The following PI4KB variants were observed in gnomAD, a reference collection of about 807,000 sequenced individuals.
PI4KB encodes the protein PtdIns 4-kinase beta.
PI4KB carries 23 observed loss-of-function variants against 81.4 expected under a neutral mutation model. That is an observed-to-expected ratio of 0.28 (90% confidence interval 0.20 to 0.40). The LOEUF (loss-of-function observed/expected upper bound fraction) is 0.40. Ranked by LOEUF, PI4KB falls within the 10% of genes least tolerant of loss-of-function variation. PI4KB has a pLI of 1.00. For missense variants in PI4KB, 651 were observed against 1,036.6 expected, an observed-to-expected ratio of 0.63 and a Z score of 5.11; for synonymous variants, 381 against 406.8, an observed-to-expected ratio of 0.94 and a Z score of 0.76.
chr1:151,310,319 G>A, intron 2 of PI4KB, 64 bp from the exon 3 acceptor site: 1 of 1,054,396 alleles, frequency 9.5e-7, no homozygotes, highest in Admixed American at 2.1e-5. Context: ...GAGAGACAAA[G>A]GTAAAGAATT....
At chr1:151,293,826 C>T in intron 11 of PI4KB, 192 bp downstream of exon 11, 4 of 595,892 alleles carry the variant, frequency 6.7e-6, no homozygotes, top group Non-Finnish European at 1.1e-5. Flanking sequence ...CCCCAGCCTT[C>T]TGGACTTAGC....
intron 2 of PI4KB, among the ~76,000 whole-genome samples, chr1:151,311,099 A>G (rs1391902611): frequency 6.6e-6 from 1 of 152,210 alleles, no homozygotes; most frequent in Non-Finnish European, 1.5e-5. Context: ...TTGCTGTGTC[A>G]TATGTGTCCG....
rs764922641 is a variant in PI4KB at position 151,294,140 on chromosome 1, TGGAAA to T, written c.2149-7_2149-3del. On this transcript the variant is annotated splice_region_variant and splice_polypyrimidine_tract_variant and intron_variant, in intron 10 of 11. Transcript: ENST00000368873. Reference sequence around the variant, plus strand: ...GTCGCCATCCAGGCCGCCCATCACCTGGAAAGGGAAGAGAGCGTTGTGTGCACAAG... The same window carrying T: ...GTCGCCATCCAGGCCGCCCATCACCTGGGAAGAGAGCGTTGTGTGCACAAG... 8 of 1,612,190 alleles carry T rather than the reference TGGAAA, an allele frequency of 5.0e-6. No homozygotes were observed. Among genetic ancestry groups the T allele is most frequent in the Non-Finnish European group, 6.8e-6 (8 of 1,178,896 alleles).
chr1:151,306,375 G>C lies in PI4KB; in HGVS notation c.1183-12C>G. The C allele has an allele frequency of 6.4e-7, 1 of 1,574,456 alleles. No individual in the cohort carries two copies. The highest frequency in any genetic ancestry group is 8.7e-7 in the Non-Finnish European group (1 of 1,143,908). Reference sequence around the variant, plus strand: ...ATCAGGTAGGGAGCCTGGGGGAAGAGTGAGACAGTATTTGCAACTTACTTC... The same window carrying C: ...ATCAGGTAGGGAGCCTGGGGGAAGACTGAGACAGTATTTGCAACTTACTTC... On this transcript the variant is annotated splice_polypyrimidine_tract_variant and intron_variant, in intron 4 of 11. Coordinates refer to ENST00000368873, the MANE Select transcript of PI4KB (RefSeq NM_001369623.2).
At chr1:151,323,080 G>A (rs1251740280) in intron 1 of PI4KB, among the ~76,000 whole-genome samples, 2 of 152,120 alleles carry the variant, frequency 1.3e-5, no homozygotes, top group Non-Finnish European at 2.9e-5. Context: ...AGAAAGAAAG[G>A]TTCAAATATA....
Position 151,298,849 on chromosome 1 carries a change from AGCACAACTTT to A in PI4KB, c.1964_1973del (p.Gln655LeufsTer53). ...GCAGGTAGCAGACCAAGCAGTACCC[AGCACAACTTT>A]GCACAAAATTGCGCTGTGCACTGAG... On this transcript the variant is annotated frameshift_variant, in exon 9 of 12. Coordinates refer to ENST00000368873, the MANE Select transcript of PI4KB (RefSeq NM_001369623.2). LOFTEE classifies it high-confidence loss of function. 2 of 1,614,196 alleles carry A rather than the reference AGCACAACTTT, an allele frequency of 1.2e-6. No individual in the cohort carries two copies. The highest frequency in any genetic ancestry group is 1.7e-6 in the Non-Finnish European group (2 of 1,180,018).
chr1:151,323,670 G>T (rs2102023632), intron 1 of PI4KB, among the ~76,000 whole-genome samples: 1 of 152,294 alleles, frequency 6.6e-6, no homozygotes, highest in Admixed American at 6.5e-5. Context: ...GTTGCAGTGA[G>T]CCGAGATCGT....
chr1:151,324,942 A>T, intron 1 of PI4KB: 1 of 941,238 alleles, frequency 1.1e-6, no homozygotes, highest in Non-Finnish European at 1.3e-6. Context: ...GGGAAATGAG[A>T]GGAAATATGA....
intron 5 of PI4KB, among the ~76,000 whole-genome samples, chr1:151,305,258 G>A (rs754014526): frequency 1.3e-5 from 2 of 152,128 alleles, no homozygotes; most frequent in Non-Finnish European, 2.9e-5. Flanking sequence ...GAGCCACTGC[G>A]CCTGGCCAGC....
rs958358870 is a variant in PI4KB, at chr1:151,307,807, G to C, written c.955-6C>G. ...TCAGGAGCCAGTCGAACAGGCTACA[G>C]GGGTTTGGGGTAAGACAAAAGATGG... On this transcript the variant is annotated splice_region_variant and splice_polypyrimidine_tract_variant and intron_variant, in intron 3 of 11. Transcript: ENST00000368873. The C allele has an allele frequency of 1.1e-5, 17 of 1,603,530 alleles. No individual in the cohort carries two copies. Among genetic ancestry groups the C allele is most frequent in the Non-Finnish European group, 1.4e-5 (16 of 1,170,452 alleles).
At position 151,298,975 on chromosome 1, in the gene PI4KB, A is replaced by G; in HGVS notation, c.1848T>C (p.Ala616=). Residue 616 remains alanine, a synonymous_variant, in exon 9 of 12, where the codon GCT becomes GCC. Coordinates refer to ENST00000368873, the MANE Select transcript of PI4KB (RefSeq NM_001369623.2). Reference sequence around the variant, plus strand: ...GTTTCTTCACCTGATGGATGGACACAGCATTGACCACTGGTTCAATCATGC... The same window carrying G: ...GTTTCTTCACCTGATGGATGGACACGGCATTGACCACTGGTTCAATCATGC... ...DSGMIEPVVN[A]VSIHQVKKQS... 1 of 1,614,218 alleles carries G rather than the reference A, an allele frequency of 6.2e-7. No individual in the cohort carries two copies. The highest frequency in any genetic ancestry group is 8.5e-7 in the Non-Finnish European group (1 of 1,180,014).
At chr1:151,309,949 G>C (rs1042320535) in intron 3 of PI4KB, among the ~76,000 whole-genome samples, 1 of 152,138 alleles carries the variant, frequency 6.6e-6, no homozygotes, top group African/African-American at 2.4e-5. Flanking sequence ...CAGGAGCTGG[G>C]GGCTGAGCAG....
chr1:151,300,335 G>A (rs1389657176), intron 8 of PI4KB, among the ~76,000 whole-genome samples: 1 of 152,178 alleles, frequency 6.6e-6, no homozygotes, highest in African/African-American at 2.4e-5. Flanking sequence ...AGCCAGGAGC[G>A]GTGGCTCATG....
intron 4 of PI4KB, among the ~76,000 whole-genome samples, chr1:151,307,047 C>T (rs587760475): frequency 6.6e-6 from 1 of 152,228 alleles, no homozygotes; most frequent in Admixed American, 6.5e-5. Context: ...TGCACTCCAG[C>T]CTCCGCAATA....
chr1:151,297,814 T>C (rs587642640), intron 9 of PI4KB, among the ~76,000 whole-genome samples: 13 of 152,254 alleles, frequency 8.5e-5, no homozygotes, highest in East Asian at 1.9e-4. Flanking sequence ...ACTGGGATTA[T>C]AGGCATGAGC....
intron 1 of PI4KB, among the ~76,000 whole-genome samples, chr1:151,322,998 G>C (rs1396183479): frequency 6.6e-6 from 1 of 152,126 alleles, no homozygotes; most frequent in Non-Finnish European, 1.5e-5. Flanking sequence ...ATGGAAAAAC[G>C]GGTAAGGAAA....
chr1:151,308,652 G>A (rs927208236), intron 3 of PI4KB, among the ~76,000 whole-genome samples: 2 of 152,120 alleles, frequency 1.3e-5, no homozygotes, highest in African/African-American at 2.4e-5. Flanking sequence ...GTCATCCTCA[G>A]AAAGAGCAAA....
rs150626797 is a variant in PI4KB, at chr1:151,316,583, G to T, written c.-28-74C>A. The T allele has an allele frequency of 2.3e-4, 250 of 1,081,226 alleles. 1 individual carries two copies. The African/African-American group carries it at 3.4e-3, about 15-fold the overall frequency. The allele number at this position is 1,081,226 out of a possible 1,614,324, so 67.0% of individuals were successfully genotyped here. A position where few individuals can be genotyped will look rare whatever the true frequency, so the allele number is the denominator to read the frequency against. On this transcript the variant is annotated intron_variant, in intron 1 of 11. Transcript: ENST00000368873. ...ACATTGGTTAGTGGTGCCATCCTCA[G>T]ATCTTCCCTTTGCTATGACACCTTC...
In PI4KB at chr1:151,302,723, G is replaced by A. The variant is rs375088599; in HGVS notation, c.1521-425C>T. Among the ~76,000 whole-genome samples the A allele has an allele frequency of 5.2e-3, 744 of 144,364 alleles. 8 individuals are homozygous for A. Among genetic ancestry groups the A allele is most frequent in the African/African-American group, 0.018 (690 of 39,180 alleles). 94.7% of individuals were successfully genotyped at this position (144,364 alleles called of 152,430 possible). A position where few individuals can be genotyped will look rare whatever the true frequency, so the allele number is the denominator to read the frequency against. On this transcript the variant is annotated intron_variant, in intron 6 of 11. Transcript: ENST00000368873. ...CTCCCGAGTAGCTGGGACTACAGGCGCCCACCACCACGCCCAGCTAATTTT... is the reference window on the plus strand; with the variant it reads ...CTCCCGAGTAGCTGGGACTACAGGCACCCACCACCACGCCCAGCTAATTTT...
Sources: allele counts gnomAD v4.1 joint callset (sites outside exome capture counted in the v4.1 genomes callset), GRCh38; gene constraint gnomAD v4.1.1; transcripts MANE v1.5; gene names NCBI Gene and HGNC (gene_info 2026-07-23, HGNC 2026-07-21).